Variants in RTN4IP1 observed in about 807,000 individuals in gnomAD.
RTN4IP1 encodes NAD(P)H oxidoreductase RTN4IP1, mitochondrial.
Under a neutral mutation model 46.6 loss-of-function variants are expected in RTN4IP1, and 32 were observed. The ratio of observed to expected loss-of-function variants is 0.69; its 90% confidence interval spans 0.52 to 0.92. The LOEUF is 0.92. Ranked by LOEUF, RTN4IP1 falls within the 40% of genes least tolerant of loss-of-function variation. The pLI is 0.00. For missense variants in RTN4IP1, 424 were observed against 485.8 expected (o/e 0.87, Z 1.20); for synonymous variants, 167 against 161.8 (o/e 1.03, Z -0.24).
At chr6:106,608,706 T>C (rs1776146741) in intron 4 of RTN4IP1, among the ~76,000 whole-genome samples, 1 of 152,258 alleles carries the variant, frequency 6.6e-6, no homozygotes, top group Non-Finnish European at 1.5e-5. Flanking sequence ...GACTCAGTTA[T>C]AGAACCTTCA....
At chr6:106,600,974 G>A (rs192564272) in intron 5 of RTN4IP1, among the ~76,000 whole-genome samples, 1 of 152,110 alleles carries the variant, frequency 6.6e-6, no homozygotes, top group African/African-American at 2.4e-5. Context: ...GGGTCATATG[G>A]TAATTCTATG....
chr6:106,597,440 G>T (rs1775824790), intron 5 of RTN4IP1, among the ~76,000 whole-genome samples: 1 of 152,062 alleles, frequency 6.6e-6, no homozygotes, highest in Non-Finnish European at 1.5e-5. Flanking sequence ...GACCTCCTGG[G>T]CTCAAGTGAT....
At chr6:106,618,376 C>T (rs1776402096) in intron 4 of RTN4IP1, among the ~76,000 whole-genome samples, 1 of 152,120 alleles carries the variant, frequency 6.6e-6, no homozygotes, top group African/African-American at 2.4e-5. Context: ...CTAGTTTTCT[C>T]AACAAAAAAC....
chr6:106,629,499 G>A (rs1776758016), upstream of RTN4IP1: 1 of 809,204 alleles, frequency 1.2e-6, no homozygotes. Context: ...ATGGCTTTGC[G>A]GCGCCAACCA....
intron 1 of RTN4IP1, among the ~76,000 whole-genome samples, chr6:106,624,807 A>T (rs1262292284): frequency 6.6e-6 from 1 of 151,108 alleles, no homozygotes; most frequent in Non-Finnish European, 1.5e-5. Context: ...ATAGTGGTAC[A>T]TGCCTGTAAT....
chr6:106,611,778 G>A (rs1354744084), intron 4 of RTN4IP1, among the ~76,000 whole-genome samples: 1 of 152,200 alleles, frequency 6.6e-6, no homozygotes, highest in Non-Finnish European at 1.5e-5. Flanking sequence ...TGTAATGCAT[G>A]TTGACATCCC....
chr6:106,583,323 C>G lies in RTN4IP1; in HGVS notation c.1083+5G>C. ...CTTCCAATCCAGGTTTCCAGGTGCA[C>G]GTACCTTTCCCGCATCCACCAGTTC... On this transcript the variant is annotated splice_donor_5th_base_variant and intron_variant, in intron 8 of 8. Transcript: ENST00000369063. The G allele has an allele frequency of 6.2e-7, 1 of 1,611,468 alleles. No individual in the cohort carries two copies. Among genetic ancestry groups the G allele is most frequent in the East Asian group, 2.2e-5 (1 of 44,870 alleles).
At chr6:106,580,820 A>G (rs1218015147) in intron 8 of RTN4IP1, among the ~76,000 whole-genome samples, 3 of 152,134 alleles carry the variant, frequency 2.0e-5, no homozygotes, top group Non-Finnish European at 2.9e-5. Flanking sequence ...ACAATTAGGT[A>G]CTAAACATAA....
intron 5 of RTN4IP1, among the ~76,000 whole-genome samples, chr6:106,600,356 C>G (rs950661631): frequency 2.0e-5 from 3 of 151,642 alleles, no homozygotes; most frequent in Admixed American, 2.0e-4. Context: ...AGTCACTGGG[C>G]CCCATCATGT....
intron 7 of RTN4IP1, among the ~76,000 whole-genome samples, chr6:106,586,800 G>T (rs572366331): frequency 1.3e-5 from 2 of 152,284 alleles, no homozygotes; most frequent in East Asian, 3.9e-4. Context: ...GATGACAACA[G>T]GCTACGAGGT....
At chr6:106,579,668 G>A (rs1002157910) in intron 8 of RTN4IP1, among the ~76,000 whole-genome samples, 11 of 152,124 alleles carry the variant, frequency 7.2e-5, no homozygotes, top group African/African-American at 2.7e-4. Flanking sequence ...CAGATTGACA[G>A]AGAGTGCTCA....
At chr6:106,592,866 T>C (rs1032031997) in intron 5 of RTN4IP1, among the ~76,000 whole-genome samples, 2 of 151,834 alleles carry the variant, frequency 1.3e-5, no homozygotes, top group African/African-American at 4.8e-5. Context: ...GAGGCAGAGG[T>C]TGCAGTGAGC....
At chr6:106,586,687 C>T (rs1775494086) in intron 7 of RTN4IP1, among the ~76,000 whole-genome samples, 1 of 152,058 alleles carries the variant, frequency 6.6e-6, no homozygotes, top group African/African-American at 2.4e-5. Flanking sequence ...TTTATTTTTT[C>T]TATCATGTAT....
At chr6:106,576,494 G>A (rs1228359555) in intron 8 of RTN4IP1, among the ~76,000 whole-genome samples, 1 of 152,186 alleles carries the variant, frequency 6.6e-6, no homozygotes, top group African/African-American at 2.4e-5. Flanking sequence ...TCTTCCAGTG[G>A]TCCTAGGGAT....
chr6:106,600,834 C>A (rs577100402), intron 5 of RTN4IP1, among the ~76,000 whole-genome samples: 129 of 152,072 alleles, frequency 8.5e-4, no homozygotes, highest in Middle Eastern at 3.4e-3. Flanking sequence ...TTTATCCATT[C>A]ATCAACTGAT....
intron 4 of RTN4IP1, among the ~76,000 whole-genome samples, chr6:106,617,968 T>C (rs1776393813): frequency 6.6e-6 from 1 of 152,194 alleles, no homozygotes; most frequent in African/African-American, 2.4e-5. Context: ...TAGAAAAATC[T>C]ATGTGGTCAA....
intron 2 of RTN4IP1, among the ~76,000 whole-genome samples, chr6:106,622,193 G>T (rs1776501268): frequency 6.6e-6 from 1 of 152,108 alleles, no homozygotes; most frequent in South Asian, 2.1e-4. Flanking sequence ...TCTAGTCAAA[G>T]CTCAGTATAT....
rs190284725 is a variant in RTN4IP1 at position 106,617,411 on chromosome 6, T to C, written c.620+1791A>G. On this transcript the variant is annotated intron_variant, in intron 4 of 8. Coordinates refer to ENST00000369063, the MANE Select transcript of RTN4IP1 (RefSeq NM_032730.5). ...AACAGACCCAACTCAATACAAGATA[T>C]CATCACCTAATAAGGTCTAAAACTT... Among the ~76,000 whole-genome samples, 18 of 152,282 alleles carry C rather than the reference T, an allele frequency of 1.2e-4. No homozygotes were observed. In the East Asian group the frequency reaches 3.1e-3, roughly 26 times the overall value.
At chr6:106,580,928 G>A (rs758898127) in intron 8 of RTN4IP1, among the ~76,000 whole-genome samples, 1 of 149,714 alleles carries the variant, frequency 6.7e-6, no homozygotes, top group Non-Finnish European at 1.5e-5. Flanking sequence ...AACAAAAAAG[G>A]AATGAGAAAG....
Sources: allele counts gnomAD v4.1 joint callset (sites outside exome capture counted in the v4.1 genomes callset), GRCh38; gene constraint gnomAD v4.1.1; transcripts MANE v1.5; gene names NCBI Gene and HGNC (gene_info 2026-07-23, HGNC 2026-07-21).